The following EBF1 variants were observed in gnomAD, a reference collection of about 807,000 sequenced individuals.
EBF1 encodes transcription factor COE1.
A neutral mutation model predicts 68.4 loss-of-function variants in EBF1; 10 were observed. The ratio of observed to expected loss-of-function variants is 0.15; its 90% CI spans 0.09 to 0.25. EBF1 has a LOEUF of 0.25. Ranked by LOEUF, EBF1 falls within the 10% of genes least tolerant of loss-of-function variation. EBF1 has a pLI of 1.00. For missense variants in EBF1, 509 were observed against 794.4 expected (o/e 0.64, Z 4.32); for synonymous variants, 298 against 299.8 (o/e 0.99, Z 0.06).
At chr5:159,001,102 C>T (rs971551763) in intron 6 of EBF1, among the ~76,000 whole-genome samples, 4 of 152,072 alleles carry the variant, frequency 2.6e-5, no homozygotes, top group African/African-American at 9.7e-5. Flanking sequence ...TATGAGAATA[C>T]TGTATTCTAT....
chr5:158,944,844 T>A (rs1452620297), intron 6 of EBF1, among the ~76,000 whole-genome samples: 1 of 152,236 alleles, frequency 6.6e-6, no homozygotes, highest in Non-Finnish European at 1.5e-5. Context: ...TATTCATATG[T>A]TTGTTGGCCA....
intron 5 of EBF1, among the ~76,000 whole-genome samples, chr5:159,075,561 G>A (rs2127952259): frequency 6.6e-6 from 1 of 152,224 alleles, no homozygotes; most frequent in African/African-American, 2.4e-5. Context: ...TGTTTTTAAA[G>A]CCTATCTGAT....
intron 15 of EBF1, among the ~76,000 whole-genome samples, chr5:158,705,256 C>T (rs1338474782): frequency 6.6e-6 from 1 of 152,234 alleles, no homozygotes; most frequent in Non-Finnish European, 1.5e-5. Context: ...GCTGAGACTA[C>T]AGGTGTGAAC....
intron 6 of EBF1, among the ~76,000 whole-genome samples, chr5:158,875,041 GCACACACACACACATACACA>G (rs1385211012): frequency 2.9e-5 from 3 of 102,354 alleles, no homozygotes; most frequent in Non-Finnish European, 5.8e-5. Context: ...ACACACACAA[GCACACACACACACATACACA>G]CACACACACA....
At chr5:158,815,637 C>T (rs1241885766) in intron 8 of EBF1, among the ~76,000 whole-genome samples, 2 of 152,148 alleles carry the variant, frequency 1.3e-5, no homozygotes, top group East Asian at 1.9e-4. Flanking sequence ...GTTATCAGTG[C>T]TATTGGTGGT....
intron 6 of EBF1, among the ~76,000 whole-genome samples, chr5:158,883,383 T>C (rs1334625838): frequency 6.6e-6 from 1 of 151,306 alleles, no homozygotes; most frequent in Non-Finnish European, 1.5e-5. Context: ...CATGTATATA[T>C]ATACATACAT....
chr5:158,941,626 G>A (rs1391837413), intron 6 of EBF1, among the ~76,000 whole-genome samples: 1 of 152,140 alleles, frequency 6.6e-6, no homozygotes, highest in Non-Finnish European at 1.5e-5. Flanking sequence ...ATGCTATTTG[G>A]TTGCTATATA....
intron 6 of EBF1, among the ~76,000 whole-genome samples, chr5:158,946,313 C>T (rs1055804954): frequency 2.0e-5 from 3 of 152,170 alleles, no homozygotes; most frequent in African/African-American, 7.2e-5. Context: ...TCCTCATCTT[C>T]ATGGATTTAT....
chr5:159,088,948 T>G (rs897097914), intron 4 of EBF1, among the ~76,000 whole-genome samples: 1 of 152,104 alleles, frequency 6.6e-6, no homozygotes, highest in African/African-American at 2.4e-5. Context: ...ATAAATCCCT[T>G]AAGGTGACAG....
intron 6 of EBF1, among the ~76,000 whole-genome samples, chr5:158,926,452 G>T (rs899910381): frequency 6.6e-6 from 1 of 152,084 alleles, no homozygotes. Flanking sequence ...TTGGCCGGGC[G>T]CAGTGGATCA....
At chr5:159,002,025 A>G (rs1428482336) in intron 6 of EBF1, among the ~76,000 whole-genome samples, 1 of 152,114 alleles carries the variant, frequency 6.6e-6, no homozygotes, top group African/African-American at 2.4e-5. Context: ...TTCTAATTCA[A>G]TTTTGTAATG....
At chr5:159,079,660 G>A (rs1490616290) in intron 5 of EBF1, among the ~76,000 whole-genome samples, 1 of 141,732 alleles carries the variant, frequency 7.1e-6, no homozygotes, top group Non-Finnish European at 1.5e-5. Flanking sequence ...CACCCAGGCT[G>A]GAGTGCAGTG....
intron 6 of EBF1, among the ~76,000 whole-genome samples, chr5:158,985,624 A>G (rs1407179879): frequency 6.6e-6 from 1 of 152,124 alleles, no homozygotes; most frequent in Non-Finnish European, 1.5e-5. Context: ...TTTGTTTTTA[A>G]CCTTCCCCTC....
intron 8 of EBF1, among the ~76,000 whole-genome samples, chr5:158,819,515 G>A (rs1784405119): frequency 1.3e-5 from 2 of 152,180 alleles, no homozygotes; most frequent in African/African-American, 4.8e-5. Context: ...CTGGAACTCA[G>A]GGGAACAACA....
rs36045942 is a variant in EBF1, at chr5:159,006,647, T to TAAAAAAAAAAAAAA, written c.554+66735_554+66748dup. Among the ~76,000 whole-genome samples, 39 of 56,208 alleles carry TAAAAAAAAAAAAAA rather than the reference T, an allele frequency of 6.9e-4. 8 individuals are homozygous for TAAAAAAAAAAAAAA. The highest frequency in any genetic ancestry group is 7.7e-4 in the Non-Finnish European group (26 of 33,596). The allele number at this position is 56,208 out of a possible 152,430, so 36.9% of individuals were successfully genotyped here. A position where few individuals can be genotyped will look rare whatever the true frequency, so the allele number is the denominator to read the frequency against. On this transcript the variant is annotated intron_variant, in intron 6 of 15. Transcript: ENST00000313708. ...CTCATATAACCAATCATAGCCATGT[T>TAAAAAAAAAAAAAA]AAAAAAAAAAAAAAAAAAAAAAAAA...
chr5:158,891,898 T>A (rs1295988911), intron 6 of EBF1, among the ~76,000 whole-genome samples: 1 of 152,072 alleles, frequency 6.6e-6, no homozygotes, highest in Non-Finnish European at 1.5e-5. Flanking sequence ...TCTTTATTTT[T>A]AAAAAATATT....
intron 9 of EBF1, among the ~76,000 whole-genome samples, chr5:158,788,488 G>T (rs959167272): frequency 6.6e-6 from 1 of 152,168 alleles, no homozygotes; most frequent in African/African-American, 2.4e-5. Context: ...TGAAAAGAAA[G>T]GTTGGAGTCA....
chr5:159,075,988 G>A (rs1778707816), intron 5 of EBF1, among the ~76,000 whole-genome samples: 1 of 151,078 alleles, frequency 6.6e-6, no homozygotes, highest in Admixed American at 6.6e-5. Context: ...TCCCCAGAGA[G>A]GTTTGGCCTG....
At chr5:158,796,695 A>G (rs1779668850) in intron 8 of EBF1, among the ~76,000 whole-genome samples, 1 of 152,228 alleles carries the variant, frequency 6.6e-6, no homozygotes. Flanking sequence ...TAAGATACAT[A>G]TATTTTACCC....
Sources: allele counts gnomAD v4.1 joint callset (sites outside exome capture counted in the v4.1 genomes callset), GRCh38; gene constraint gnomAD v4.1.1; transcripts MANE v1.5; gene names NCBI Gene and HGNC (gene_info 2026-07-23, HGNC 2026-07-21).